Variants in SEMA4F observed in about 807,000 individuals in gnomAD.
The protein encoded by SEMA4F is semaphorin-4F.
SEMA4F carries 51 observed loss-of-function variants against 78.4 expected under a neutral mutation model. The ratio of observed to expected loss-of-function variants is 0.65; its 90% CI spans 0.52 to 0.82. The LOEUF (loss-of-function observed/expected upper bound fraction) is 0.82, where lower values mean the gene tolerates loss of function less well. Ranked by LOEUF, SEMA4F falls within the 40% of genes least tolerant of loss-of-function variation. SEMA4F has a pLI of 0.00. For missense variants in SEMA4F, 938 were observed against 1,014.4 expected (o/e 0.92, Z 1.02); for synonymous variants, 418 against 408.7 (o/e 1.02, Z -0.27).
chr2:74,664,010 A>G (rs1437525471), intron 5 of SEMA4F, among the ~76,000 whole-genome samples: 2 of 152,196 alleles, frequency 1.3e-5, no homozygotes, highest in African/African-American at 4.8e-5. Flanking sequence ...CAAGTGTGAA[A>G]TGATTCTATC....
chr2:74,685,037 C>T (rs938973380), downstream of SEMA4F, among the ~76,000 whole-genome samples: 1 of 152,194 alleles, frequency 6.6e-6, no homozygotes. Flanking sequence ...CTGCTGATGT[C>T]CTCTTTGTTT....
chr2:74,685,473 T>C (rs1685802682), downstream of SEMA4F, among the ~76,000 whole-genome samples: 1 of 152,040 alleles, frequency 6.6e-6, no homozygotes, highest in South Asian at 2.1e-4. Context: ...CCATCTTTCC[T>C]TCACCTTCTC....
the SEMA4F span, among the ~76,000 whole-genome samples, chr2:74,691,452 G>A: frequency 4.3e-4 from 65 of 152,206 alleles, 2 homozygotes; most frequent in Admixed American, 4.3e-3. Context: ...GTTTGCATGT[G>A]TGTGACTTGG....
the SEMA4F span, among the ~76,000 whole-genome samples, chr2:74,703,219 T>G: frequency 2.0e-5 from 3 of 152,236 alleles, no homozygotes; most frequent in African/African-American, 7.2e-5. Context: ...CGTCATCTTC[T>G]GAGCTGGGGG....
chr2:74,663,192 G>A (rs1053312761), intron 5 of SEMA4F, among the ~76,000 whole-genome samples: 1 of 152,208 alleles, frequency 6.6e-6, no homozygotes, highest in African/African-American at 2.4e-5. Flanking sequence ...TTCTAGAACA[G>A]CACTTTCCAA....
chr2:74,672,346 C>T (rs951851631), intron 5 of SEMA4F, among the ~76,000 whole-genome samples: 2 of 152,198 alleles, frequency 1.3e-5, no homozygotes, highest in African/African-American at 4.8e-5. Flanking sequence ...GATACTGTTC[C>T]CTCAGGTAGA....
intron 7 of SEMA4F, among the ~76,000 whole-genome samples, chr2:74,674,111 C>T (rs1285497938): frequency 6.6e-6 from 1 of 152,216 alleles, no homozygotes; most frequent in Non-Finnish European, 1.5e-5. Context: ...CAAGTCCCTG[C>T]CCTACCCACC....
the SEMA4F span, among the ~76,000 whole-genome samples, chr2:74,709,290 C>G: frequency 1.3e-5 from 2 of 152,184 alleles, no homozygotes; most frequent in East Asian, 1.9e-4. Flanking sequence ...TCATCAGAAA[C>G]TGTGGAGGCC....
chr2:74,698,644 A>G, the SEMA4F span, among the ~76,000 whole-genome samples: 1 of 152,234 alleles, frequency 6.6e-6, no homozygotes, highest in Non-Finnish European at 1.5e-5. Flanking sequence ...CTACTGCAAT[A>G]CGAGTCATGC....
Position 74,680,145 on chromosome 2 carries a change from C to T in SEMA4F, c.2249C>T (p.Pro750Leu). 1.2e-6 allele frequency: 2 copies of T among 1,606,232 alleles called. No homozygotes were observed. Among genetic ancestry groups the T allele is most frequent in the Non-Finnish European group, 1.7e-6 (2 of 1,173,726 alleles). The change falls in exon 14 of 14, where the codon CCA (proline) becomes CTA (leucine). Residue 750 changes from proline (P) to leucine (L), a missense_variant. Transcript: ENST00000357877. ...CCACCCTTCCTGCTTGATCCTTGCC[C>T]AAGCCCAGCCCACATTCGGCTAACT... The part of the protein sequence containing the change: ...FSPPFLLDPC[P>L]SPAHIRLTGA...
At chr2:74,661,907 T>A (rs1326200503) in intron 4 of SEMA4F, among the ~76,000 whole-genome samples, 1 of 152,236 alleles carries the variant, frequency 6.6e-6, no homozygotes, top group African/African-American at 2.4e-5. Context: ...TAACTTTGAC[T>A]CTCAACCAGC....
intron 12 of SEMA4F, among the ~76,000 whole-genome samples, chr2:74,678,078 T>C (rs770197235): frequency 6.6e-6 from 1 of 152,206 alleles, no homozygotes; most frequent in Non-Finnish European, 1.5e-5. Flanking sequence ...GGTTAAGAAC[T>C]TTAACCTGGT....
At chr2:74,692,280 G>A in the SEMA4F span, among the ~76,000 whole-genome samples, 1 of 152,164 alleles carries the variant, frequency 6.6e-6, no homozygotes, top group Non-Finnish European at 1.5e-5. Flanking sequence ...GTGGGGAAAG[G>A]CAGACACAGA....
intron 5 of SEMA4F, among the ~76,000 whole-genome samples, chr2:74,666,227 T>A (rs766208601): frequency 2.6e-5 from 4 of 152,218 alleles, no homozygotes; most frequent in Non-Finnish European, 5.9e-5. Flanking sequence ...TCTTTAAGCA[T>A]GTTTAGCCCT....
chr2:74,675,831 G>A lies in SEMA4F; in HGVS notation c.1565G>A (p.Cys522Tyr). 1 of 1,614,244 alleles carries A rather than the reference G, an allele frequency of 6.2e-7. No homozygotes were observed. The highest frequency in any genetic ancestry group is 8.5e-7 in the Non-Finnish European group (1 of 1,180,038). The change falls in exon 12 of 14, where the codon TGC becomes TAC. Residue 522 changes from cysteine (C) to tyrosine (Y), a missense_variant. Coordinates refer to ENST00000357877, the MANE Select transcript of SEMA4F (RefSeq NM_004263.5). Reference sequence around the variant, plus strand: ...GGCCGTCTCCAGAGCTGCTCAGAGTGCATCCTGGCCCAGGACCCAGTCTGT... The same window carrying A: ...GGCCGTCTCCAGAGCTGCTCAGAGTACATCCTGGCCCAGGACCCAGTCTGT... ...NCGRLQSCSE[C>Y]ILAQDPVCAW... is the part of the protein sequence containing the mutation.
chr2:74,696,677 G>A, the SEMA4F span, among the ~76,000 whole-genome samples: 27 of 152,074 alleles, frequency 1.8e-4, no homozygotes, highest in Non-Finnish European at 4.4e-5. Context: ...ACTTACTCAT[G>A]TAACCAAATA....
intron 5 of SEMA4F, among the ~76,000 whole-genome samples, chr2:74,669,851 T>C (rs1272394701): frequency 6.6e-6 from 1 of 152,216 alleles, no homozygotes; most frequent in Non-Finnish European, 1.5e-5. Context: ...TGGCTTTCAA[T>C]GTCTTTTTTT....
chr2:74,701,291 GC>G, the SEMA4F span, among the ~76,000 whole-genome samples: 1 of 152,088 alleles, frequency 6.6e-6, no homozygotes, highest in Non-Finnish European at 1.5e-5. Context: ...TCCTTACCCA[GC>G]CTGGGACCCA....
chr2:74,692,861 CACTG>C, the SEMA4F span, among the ~76,000 whole-genome samples: 13 of 152,364 alleles, frequency 8.5e-5, no homozygotes, highest in African/African-American at 3.1e-4. Context: ...CAGCTCATCT[CACTG>C]ACCTTGAAAT....
Sources: allele counts gnomAD v4.1 joint callset (sites outside exome capture counted in the v4.1 genomes callset), GRCh38; gene constraint gnomAD v4.1.1; transcripts MANE v1.5; gene names NCBI Gene and HGNC (gene_info 2026-07-23, HGNC 2026-07-21).